MAGI2: variants seen among roughly 807,000 people sequenced by gnomAD.
MAGI2 encodes the protein membrane associated guanylate kinase, WW and PDZ domain containing 2.
In MAGI2, 35 loss-of-function variants were observed where a neutral mutation model predicts 133.3. That is an observed-to-expected ratio of 0.26 (90% confidence interval 0.20 to 0.35). MAGI2 has a LOEUF of 0.35. MAGI2 is among the 10% of genes least tolerant of loss of function. The pLI is 1.00. For missense variants in MAGI2, 1,636 were observed against 1,863.4 expected (o/e 0.88, Z 2.25); for synonymous variants, 729 against 710.6 (o/e 1.03, Z -0.41).
chr7:78,456,639 A>G (rs1416485814), intron 6 of MAGI2, among the ~76,000 whole-genome samples: 2 of 152,188 alleles, frequency 1.3e-5, no homozygotes, highest in Admixed American at 1.3e-4. Flanking sequence ...GTATAATACA[A>G]TAACTATATC....
At chr7:79,311,877 T>C (rs1380739146) in intron 1 of MAGI2, among the ~76,000 whole-genome samples, 1 of 152,152 alleles carries the variant, frequency 6.6e-6, no homozygotes, top group East Asian at 1.9e-4. Flanking sequence ...CATTCTTGCC[T>C]TCTCTCTTTT....
intron 10 of MAGI2, among the ~76,000 whole-genome samples, chr7:78,246,751 G>A (rs3847081): frequency 0.1 from 15,865 of 152,118 alleles, 969 homozygotes; most frequent in African/African-American, 0.16. Flanking sequence ...CTGACTTGAC[G>A]CTATGTCGTA....
intron 2 of MAGI2, among the ~76,000 whole-genome samples, chr7:78,942,596 G>A (rs2151683114): frequency 6.6e-6 from 1 of 152,088 alleles, no homozygotes; most frequent in East Asian, 1.9e-4. Context: ...TAAGATTTCT[G>A]GGTAGTTCAT....
intron 1 of MAGI2, among the ~76,000 whole-genome samples, chr7:79,423,421 T>C (rs78938742): frequency 0.01 from 1,564 of 152,110 alleles, 28 homozygotes; most frequent in African/African-American, 0.036. Context: ...ATACATATTA[T>C]ACATTTCACC....
intron 2 of MAGI2, among the ~76,000 whole-genome samples, chr7:78,688,252 C>G (rs1467139958): frequency 2.0e-5 from 3 of 152,040 alleles, no homozygotes; most frequent in African/African-American, 7.2e-5. Flanking sequence ...TAGCCTTTCA[C>G]CAGAAGGTCA....
chr7:79,415,322 C>T (rs1197094363), intron 1 of MAGI2: 1 of 152,104 alleles, frequency 6.6e-6, no homozygotes, highest in East Asian at 1.9e-4. Flanking sequence ...GGCTGTACTC[C>T]TATGAAGCCC....
chr7:78,073,544 T>C (rs1237882105), intron 21 of MAGI2, among the ~76,000 whole-genome samples: 1 of 152,234 alleles, frequency 6.6e-6, no homozygotes, highest in Admixed American at 6.5e-5. Context: ...TATTATATTT[T>C]GCTTTATTCT....
chr7:78,517,414 G>T (rs966580983), intron 4 of MAGI2, among the ~76,000 whole-genome samples: 1 of 152,138 alleles, frequency 6.6e-6, no homozygotes, highest in African/African-American at 2.4e-5. Flanking sequence ...TGGGACATGT[G>T]TTGGAGAGCG....
At chr7:78,751,516 T>C (rs1202701850) in intron 2 of MAGI2, among the ~76,000 whole-genome samples, 1 of 152,224 alleles carries the variant, frequency 6.6e-6, no homozygotes, top group Non-Finnish European at 1.5e-5. Context: ...ATTTAGCAAT[T>C]ACAATTTAAT....
At chr7:78,600,547 C>T (rs887628894) in intron 3 of MAGI2, among the ~76,000 whole-genome samples, 3 of 151,950 alleles carry the variant, frequency 2.0e-5, no homozygotes, top group Admixed American at 6.6e-5. Context: ...TAAAGATTAT[C>T]GATGCATTTG....
intron 1 of MAGI2, among the ~76,000 whole-genome samples, chr7:79,232,098 C>T (rs375517568): frequency 3.3e-5 from 5 of 152,072 alleles, no homozygotes; most frequent in Admixed American, 2.6e-4. Flanking sequence ...ATTACATTTA[C>T]TGATTTGCGT....
At chr7:79,253,020 T>C (rs1296707819) in intron 1 of MAGI2, among the ~76,000 whole-genome samples, 1 of 152,086 alleles carries the variant, frequency 6.6e-6, no homozygotes, top group Admixed American at 6.5e-5. Context: ...TGTGAATAAA[T>C]TCATAAAATA....
At chr7:78,816,825 G>A (rs1789624929) in intron 2 of MAGI2, among the ~76,000 whole-genome samples, 1 of 152,186 alleles carries the variant, frequency 6.6e-6, no homozygotes, top group African/African-American at 2.4e-5. Flanking sequence ...GGAGATTAAA[G>A]TTGTTTTCAT....
At chr7:78,530,910 G>A (rs775123931) in intron 3 of MAGI2, among the ~76,000 whole-genome samples, 4 of 152,090 alleles carry the variant, frequency 2.6e-5, no homozygotes, top group Admixed American at 6.5e-5. Context: ...AATCCAAAAG[G>A]TTAATCTTAA....
intron 19 of MAGI2, 61 bp downstream of exon 19, chr7:78,127,136 A>G: frequency 1.5e-6 from 2 of 1,302,900 alleles, no homozygotes; most frequent in Non-Finnish European, 2.1e-6. Flanking sequence ...CTCCTATTTC[A>G]TTCCTTGCAG....
chr7:78,057,192 A>C (rs1812674100), intron 21 of MAGI2, among the ~76,000 whole-genome samples: 1 of 151,968 alleles, frequency 6.6e-6, no homozygotes, highest in Non-Finnish European at 1.5e-5. Context: ...AACAGAACAC[A>C]AGAGTTCTAA....
intron 10 of MAGI2, chr7:78,252,501 A>C (rs1792508842): frequency 6.6e-6 from 1 of 151,718 alleles, no homozygotes; most frequent in South Asian, 2.1e-4. Flanking sequence ...CCCTTAATTC[A>C]CAGTATACAC....
At chr7:78,095,403 A>T (rs534259526) in intron 20 of MAGI2, among the ~76,000 whole-genome samples, 1 of 152,294 alleles carries the variant, frequency 6.6e-6, no homozygotes, top group African/African-American at 2.4e-5. Context: ...CAACAGGCTG[A>T]AGCCCCAAAT....
At chr7:78,668,004 C>A (rs1345965996) in intron 2 of MAGI2, among the ~76,000 whole-genome samples, 1 of 152,118 alleles carries the variant, frequency 6.6e-6, no homozygotes, top group East Asian at 1.9e-4. Flanking sequence ...TACAGTCCCA[C>A]CAACAGTGTA....
Sources: allele counts gnomAD v4.1 joint callset (sites outside exome capture counted in the v4.1 genomes callset), GRCh38; gene constraint gnomAD v4.1.1; transcripts MANE v1.5; gene names NCBI Gene and HGNC (gene_info 2026-07-23, HGNC 2026-07-21).